Variants in PAK6 observed in about 807,000 individuals in gnomAD.
The protein encoded by PAK6 is serine/threonine-protein kinase PAK 6.
Under a neutral mutation model 60.8 loss-of-function variants are expected in PAK6, and 33 were observed. That is an observed-to-expected ratio of 0.54 (90% CI 0.41 to 0.73). The LOEUF (loss-of-function observed/expected upper bound fraction) is 0.73, where lower values mean the gene tolerates loss of function less well. Ranked by LOEUF, PAK6 falls within the 30% of genes least tolerant of loss-of-function variation. PAK6 has a pLI of 0.00. For synonymous variants in PAK6, 404 were observed against 378.5 expected (o/e 1.07, Z -0.78); for missense variants, 845 against 904.1 (o/e 0.93, Z 0.84).
exon 4 of PAK6, chr15:40,264,945 GTGGACCCTTCGCGAATCA>G: frequency 6.2e-7 from 1 of 1,613,722 alleles, no homozygotes; most frequent in Non-Finnish European, 8.5e-7. Flanking sequence ...CAAGCCCGTG[GTGGACCCTTCGCGAATCA>G]CACGGGTGCA....
intron 3 of PAK6, chr15:40,264,325 A>T (rs910156907): frequency 2.6e-6 from 1 of 388,756 alleles, no homozygotes; most frequent in Non-Finnish European, 5.1e-6. Flanking sequence ...TATTGAGTCA[A>T]ATTTTCCTTT....
At chr15:40,271,581 C>T (rs1200425409) in intron 5 of PAK6, among the ~76,000 whole-genome samples, 1 of 152,216 alleles carries the variant, frequency 6.6e-6, no homozygotes, top group African/African-American at 2.4e-5. Context: ...CCAGGGGAGA[C>T]ACCTGAGAAC....
chr15:40,258,599 C>T (rs796682623), intron 3 of PAK6: 4 of 152,620 alleles, frequency 2.6e-5, no homozygotes, highest in African/African-American at 9.6e-5. Flanking sequence ...CACTGTCCCG[C>T]CCCTCAGTGA....
At chr15:40,251,756 C>T (rs2038675253) in intron 2 of PAK6, 1 of 152,408 alleles carries the variant, frequency 6.6e-6, no homozygotes. Flanking sequence ...ACTTCTTTAT[C>T]TGGGGAAGAG....
At chr15:40,262,883 A>G (rs2412503) in intron 3 of PAK6, among the ~76,000 whole-genome samples, 1 of 95,656 alleles carries the variant, frequency 1.0e-5, no homozygotes, top group South Asian at 3.1e-4. Flanking sequence ...AATCTCTCCA[A>G]ATTATTAGTG....
chr15:40,266,348 C>T (rs375014773), exon 5 of PAK6: 34 of 1,612,498 alleles, frequency 2.1e-5, no homozygotes, highest in Non-Finnish European at 2.8e-5. Flanking sequence ...TGGGCTCAGC[C>T]ACAGGCAGGC....
intron 3 of PAK6, 42 bp from the exon 4 acceptor site, chr15:40,264,739 C>A: frequency 1.3e-6 from 2 of 1,583,928 alleles, no homozygotes; most frequent in South Asian, 2.2e-5. Flanking sequence ...GCAGCCACCC[C>A]TCTTTCCCGG....
chr15:40,272,580 G>T (rs2039338179), exon 6 of PAK6: 1 of 1,613,274 alleles, frequency 6.2e-7, no homozygotes, highest in African/African-American at 1.3e-5. Context: ...ACCCCCGGCT[G>T]CTGCTGGACA....
intron 5 of PAK6, among the ~76,000 whole-genome samples, chr15:40,267,497 A>G (rs1253585750): frequency 6.6e-6 from 1 of 152,076 alleles, no homozygotes; most frequent in African/African-American, 2.4e-5. Context: ...CTCTACTAAA[A>G]ATACAAAAAA....
rs201637258 is a variant in PAK6, at chr15:40,276,056, C to G, written c.2008C>G (p.Leu670Val). 28 of 1,613,788 alleles carry G rather than the reference C, an allele frequency of 1.7e-5. 1 individual carries two copies. In the South Asian group the frequency reaches 2.9e-4, roughly 16 times the overall value. Residue 670 changes from leucine (L) to valine (V), a missense_variant, in exon 11 of 11, where the codon CTG (leucine) becomes GTG (valine). Coordinates refer to ENST00000560346, the Ensembl canonical transcript of PAK6. ...AGGGCTACCTGAGTGCCTGGTGCCCCTGATCCAGCTCTACCGAAAGCAGAC... is the reference window on the plus strand; with the variant it reads ...AGGGCTACCTGAGTGCCTGGTGCCCGTGATCCAGCTCTACCGAAAGCAGAC...
chr15:40,247,789 G>A (rs1417519770), intron 2 of PAK6, among the ~76,000 whole-genome samples: 1 of 152,188 alleles, frequency 6.6e-6, no homozygotes, highest in Non-Finnish European at 1.5e-5. Flanking sequence ...AACCCGGGGT[G>A]AACAGACCTG....
At chr15:40,253,459 G>T (rs1253844492) in intron 3 of PAK6, among the ~76,000 whole-genome samples, 170 bp downstream of exon 3, 1 of 152,268 alleles carries the variant, frequency 6.6e-6, no homozygotes, top group Non-Finnish European at 1.5e-5. Flanking sequence ...CTTAGTGGGT[G>T]CATGTTAAGT....
chr15:40,242,003 A>G (rs1047523977), intron 2 of PAK6, among the ~76,000 whole-genome samples: 4 of 151,388 alleles, frequency 2.6e-5, no homozygotes, highest in Non-Finnish European at 5.9e-5. Flanking sequence ...CCATGCATGC[A>G]GAGCTGAGCA....
intron 3 of PAK6, among the ~76,000 whole-genome samples, chr15:40,261,165 G>A (rs1372292052): frequency 6.6e-6 from 1 of 151,756 alleles, no homozygotes; most frequent in Non-Finnish European, 1.5e-5. Flanking sequence ...TGGGATTACA[G>A]GCGTGAGCCA....
chr15:40,249,071 G>A lies in PAK6; in HGVS notation c.-117-4107G>A, dbSNP rs77599789. On this transcript the variant is annotated intron_variant, in intron 2 of 10. Coordinates refer to ENST00000560346, the Ensembl canonical transcript of PAK6. ...CCAAGAGCAAGGTGCTGGCAGATCC[G>A]GTGTCTGGTGAGGGCCTGCTTCCAG... is the stretch of plus-strand genomic sequence containing the variant. Among the ~76,000 whole-genome samples the A allele has an allele frequency of 5.3e-3, 807 of 152,298 alleles. 3 individuals are homozygous for A. Among genetic ancestry groups the A allele is most frequent in the Middle Eastern group, 0.017 (5 of 294 alleles).
chr15:40,275,280 G>GTTTTTTTTTTTTTTTTGTTTTTTTTT (rs2039420571), intron 10 of PAK6, among the ~76,000 whole-genome samples: 1 of 56,486 alleles, frequency 1.8e-5, no homozygotes, highest in Non-Finnish European at 3.1e-5. Flanking sequence ...GTTGTTGTTG[G>GTTTTTTTTTTTTTTTTGTTTTTTTTT]TTTTTTTTTT....
At chr15:40,265,106 C>A in intron 4 of PAK6, 117 bp downstream of exon 4, 1 of 953,612 alleles carries the variant, frequency 1.0e-6, no homozygotes, top group Non-Finnish European at 1.5e-6. Flanking sequence ...ATCAGTTAAT[C>A]AGCTGTTTTA....
rs143624590 is a variant in PAK6 at position 40,265,458 on chromosome 15, G to A, written c.205-384G>A. Among the ~76,000 whole-genome samples the A allele has an allele frequency of 2.8e-4, 43 of 152,226 alleles. No homozygotes were observed. The East Asian group carries it at 4.6e-3, about 16-fold the overall frequency. On this transcript the variant is annotated intron_variant, in intron 4 of 10. Coordinates refer to ENST00000560346, the Ensembl canonical transcript of PAK6. ...AGCCAGTGTGTGTGGAGGAGCCCCCGGCCTGGTGTCTCTTCCTCAGAGGGC... is the reference window on the plus strand; with the variant it reads ...AGCCAGTGTGTGTGGAGGAGCCCCCAGCCTGGTGTCTCTTCCTCAGAGGGC...
chr15:40,259,122 T>G (rs2038915799), intron 3 of PAK6: 1 of 152,260 alleles, frequency 6.6e-6, no homozygotes, highest in African/African-American at 2.4e-5. Flanking sequence ...TCCTGGTGTC[T>G]TCTTGGAGGA....
Sources: gnomAD v4.1 joint callset for allele counts (sites outside exome capture counted in the v4.1 genomes callset) on GRCh38, gnomAD v4.1.1 for gene constraint, MANE v1.5 for transcripts, NCBI Gene and HGNC (gene_info 2026-07-23, HGNC 2026-07-21) for gene names.